Variants in POLR1C observed in about 807,000 individuals in gnomAD.
POLR1C encodes RNA polymerase I and III subunit C, also known as DNA-directed RNA polymerases I and III subunit RPAC1.
In POLR1C, 42 loss-of-function variants were observed where a neutral mutation model predicts 38.3. The ratio of observed to expected loss-of-function variants is 1.10; its 90% CI spans 0.86 to 1.42. POLR1C has a LOEUF of 1.42. Among genes scored for constraint, POLR1C ranks in the 40% most tolerant of loss-of-function variants. The pLI, the probability that POLR1C is intolerant of heterozygous loss-of-function variation, is 0.00. For missense variants in POLR1C, 507 were observed against 450.5 expected (o/e 1.13, Z -1.14); for synonymous variants, 163 against 163.9 (o/e 0.99, Z 0.04).
chr6:43,539,312 C>T, intron 9 of POLR1C: 2 of 1,564,610 alleles, frequency 1.3e-6, no homozygotes, highest in South Asian at 2.2e-5. Context: ...ACTGTAGTCC[C>T]CGATAGCAAC....
Position 43,520,285 on chromosome 6 carries a change from G to C in POLR1C, c.513G>C (p.Arg171Ser). The change falls in exon 6 of 9, where the codon AGG becomes AGC. Residue 171 changes from arginine (R) to serine (S), a missense_variant. Coordinates refer to ENST00000642195, the MANE Select transcript of POLR1C (RefSeq NM_203290.4). ...ELYVNHKVYT[R>S]HMTWIPLGNQ... ...ATGTTTTTCCTCCAGTGTATACCAGGCATATGACATGGATCCCCCTGGGGA... is the reference window on the plus strand; with the variant it reads ...ATGTTTTTCCTCCAGTGTATACCAGCCATATGACATGGATCCCCCTGGGGA... 7 of 1,612,902 alleles carry C rather than the reference G, an allele frequency of 4.3e-6. No individual in the cohort carries two copies. Among genetic ancestry groups the C allele is most frequent in the Non-Finnish European group, 5.9e-6 (7 of 1,180,020 alleles).
At chr6:43,553,759 A>G in intron 10 of POLR1C, 2 of 530,380 alleles carry the variant, frequency 3.8e-6, no homozygotes, top group Non-Finnish European at 5.6e-6. Context: ...ATTCACCTCT[A>G]TGAGCCTTGT....
At chr6:43,539,441 A>C in intron 9 of POLR1C, 1 of 1,565,952 alleles carries the variant, frequency 6.4e-7, no homozygotes, top group Non-Finnish European at 8.7e-7. Context: ...TGATTCCTTA[A>C]TGGGCAGGGA....
rs945234322 is a variant in POLR1C, at chr6:43,539,431, T to C, written c.*4+10072T>C. ...CCCCCAGGAAAAAGTCAATGATCTCTGATTCCTTAATGGGCAGGGAGAAGA... is the reference window on the plus strand; with the variant it reads ...CCCCCAGGAAAAAGTCAATGATCTCCGATTCCTTAATGGGCAGGGAGAAGA... On this transcript the variant is annotated intron_variant, in intron 9 of 10. Transcript: ENST00000607635. 10 of 1,566,540 alleles carry C rather than the reference T, an allele frequency of 6.4e-6. No individual in the cohort carries two copies. In the African/African-American group the frequency reaches 1.1e-4, roughly 17 times the overall value.
intron 9 of POLR1C, chr6:43,547,669 C>G (rs763075946): frequency 2.5e-6 from 4 of 1,613,980 alleles, no homozygotes; most frequent in Non-Finnish European, 1.7e-6. Flanking sequence ...CTGATCTGTA[C>G]CCACATACGC....
chr6:43,521,318 G>A lies in POLR1C; in HGVS notation c.*18G>A. 1 of 1,611,964 alleles carries A rather than the reference G, an allele frequency of 6.2e-7. No homozygotes were observed. ...TGGACTGAGCTTGGATGCTTCTGAG[G>A]CAAGCTGAAGCTTTGGGTTCTGACT... On this transcript the variant is annotated 3_prime_UTR_variant, in exon 9 of 9. Transcript: ENST00000642195.
intron 9 of POLR1C, chr6:43,547,771 AG>A: frequency 7.2e-7 from 1 of 1,396,748 alleles, no homozygotes; most frequent in South Asian, 1.2e-5. Context: ...TTTCTTCCAC[AG>A]GAGTTAACAG....
At chr6:43,518,218 A>G (rs1792944287) in intron 2 of POLR1C, among the ~76,000 whole-genome samples, 2 of 152,190 alleles carry the variant, frequency 1.3e-5, no homozygotes, top group African/African-American at 4.8e-5. Flanking sequence ...GATCATATGG[A>G]GCAGGCAGAT....
Position 43,527,505 on chromosome 6 carries a change from C to T in POLR1C, c.923-1744C>T, listed in dbSNP as rs188772079. The T allele has an allele frequency of 8.2e-6, 7 of 856,566 alleles. No homozygotes were observed. The African/African-American group carries it at 1.0e-4, about 12-fold the overall frequency. The allele number at this position is 856,566 out of a possible 1,614,324, so 53.1% of individuals were successfully genotyped here. On this transcript the variant is annotated intron_variant, in intron 8 of 8. Coordinates refer to the POLR1C transcript ENST00000304004. Reference sequence around the variant, plus strand: ...GCCAGGATGGTCTTGATCTTTTGACCTCGCAATCCACCATGCCCGCCGCAA... The same window carrying T: ...GCCAGGATGGTCTTGATCTTTTGACTTCGCAATCCACCATGCCCGCCGCAA...
At chr6:43,538,116 T>C (rs1393691412) in intron 9 of POLR1C, among the ~76,000 whole-genome samples, 5 of 125,258 alleles carry the variant, frequency 4.0e-5, no homozygotes, top group Non-Finnish European at 8.4e-5. Context: ...AAGGAACTTA[T>C]AAATTTAGAG....
intron 9 of POLR1C, chr6:43,548,284 G>T: frequency 6.2e-7 from 1 of 1,611,270 alleles, no homozygotes; most frequent in Non-Finnish European, 8.5e-7. Context: ...GAGAAAGCCA[G>T]ATGCTGGCCA....
intron 10 of POLR1C, among the ~76,000 whole-genome samples, chr6:43,557,404 C>T (rs1474838260): frequency 3.3e-5 from 5 of 151,412 alleles, no homozygotes; most frequent in South Asian, 2.1e-4. Context: ...CCAGCCTGGG[C>T]GACAGAGCGA....
At chr6:43,522,714 CTT>C (rs765625820), downstream of POLR1C, 44 of 502,212 alleles carry the variant, frequency 8.8e-5, no homozygotes, top group African/African-American at 4.7e-4. Context: ...GGGAAACCCT[CTT>C]GTCAGTGGAC....
At chr6:43,518,059 C>G (rs1049348121) in intron 2 of POLR1C, among the ~76,000 whole-genome samples, 1 of 151,362 alleles carries the variant, frequency 6.6e-6, no homozygotes, top group Non-Finnish European at 1.5e-5. Flanking sequence ...GAAGTGTGCT[C>G]CGGGCATGTC....
At chr6:43,528,989 G>A (rs1793775153) in intron 8 of POLR1C, 8 of 1,464,380 alleles carry the variant, frequency 5.5e-6, no homozygotes, top group Non-Finnish European at 7.5e-6. Flanking sequence ...CAGGTGGTGG[G>A]TTGCACCCCT....
intron 8 of POLR1C, 51 bp from the exon 9 acceptor site, chr6:43,521,127 GAGTA>G (rs1793159457): frequency 1.1e-5 from 18 of 1,606,906 alleles, no homozygotes; most frequent in Non-Finnish European, 1.5e-5. Flanking sequence ...TGAAGTTTAT[GAGTA>G]AGTTTTACAG....
intron 10 of POLR1C, among the ~76,000 whole-genome samples, chr6:43,556,965 T>C (rs1762123058): frequency 6.6e-6 from 1 of 151,780 alleles, no homozygotes; most frequent in African/African-American, 2.4e-5. Context: ...CAGTCTCTAC[T>C]AAAAATAAAA....
At chr6:43,547,551 C>A (rs1338142650) in intron 9 of POLR1C, 2 of 1,531,498 alleles carry the variant, frequency 1.3e-6, no homozygotes, top group Non-Finnish European at 1.8e-6. Flanking sequence ...TGACAAAAGA[C>A]AACACCCTAC....
intron 10 of POLR1C, chr6:43,561,067 C>T: frequency 1.5e-6 from 2 of 1,352,950 alleles, no homozygotes; most frequent in East Asian, 2.3e-5. Context: ...GAGGAAAAAG[C>T]AGGGAAGTAA....
Sources: gnomAD v4.1 joint callset for allele counts (sites outside exome capture counted in the v4.1 genomes callset) on GRCh38, gnomAD v4.1.1 for gene constraint, MANE v1.5 for transcripts, NCBI Gene and HGNC (gene_info 2026-07-23, HGNC 2026-07-21) for gene names.